Variants in ZNF420 observed in about 807,000 individuals in gnomAD.
ZNF420 encodes the protein zinc finger protein 420.
A neutral mutation model predicts 44.7 loss-of-function variants in ZNF420; 31 were observed. The ratio of observed to expected loss-of-function variants is 0.69; its 90% CI spans 0.52 to 0.94. The LOEUF (loss-of-function observed/expected upper bound fraction) is 0.94, where lower values mean the gene tolerates loss of function less well. Among genes scored for constraint, ZNF420 ranks in the 40% least tolerant of loss-of-function variants. ZNF420 has a pLI of 0.00. For missense variants in ZNF420, 681 were observed against 827.9 expected (o/e 0.82, Z 2.18); for synonymous variants, 245 against 267.4 (o/e 0.92, Z 0.82).
intron 1 of ZNF420, among the ~76,000 whole-genome samples, chr19:37,051,003 G>C (rs1261400108): frequency 6.6e-6 from 1 of 152,204 alleles, no homozygotes; most frequent in Non-Finnish European, 1.5e-5. Flanking sequence ...CATTGGTTCT[G>C]TTTATATGCT....
chr19:37,113,902 G>A (rs1013585056), intron 4 of ZNF420, among the ~76,000 whole-genome samples: 1 of 152,036 alleles, frequency 6.6e-6, no homozygotes, highest in South Asian at 2.1e-4. Context: ...GGGTGAGAGC[G>A]ATCATTTGGC....
chr19:37,062,222 A>G (rs1048116909), intron 1 of ZNF420, among the ~76,000 whole-genome samples: 2 of 152,218 alleles, frequency 1.3e-5, no homozygotes, highest in Non-Finnish European at 2.9e-5. Context: ...GTAAAGAAAG[A>G]ACTGTGTAAT....
intron 1 of ZNF420, among the ~76,000 whole-genome samples, chr19:37,066,207 CT>C (rs1967964221): frequency 6.6e-6 from 1 of 152,218 alleles, no homozygotes; most frequent in African/African-American, 2.4e-5. Flanking sequence ...CTTTGGGAGG[CT>C]GCGGCGGGTG....
In ZNF420 at chr19:37,127,309, T is replaced by C; in HGVS notation, c.318T>C (p.Tyr106=). 1 of 1,613,014 alleles carries C rather than the reference T, an allele frequency of 6.2e-7. No homozygotes were observed. Among genetic ancestry groups the C allele is most frequent in the Non-Finnish European group, 8.5e-7 (1 of 1,179,536 alleles). ...MEKQQENQKE[Y]FRQGMIIYDK... is the part of the protein sequence containing the mutation. The stretch of plus-strand genomic sequence containing the variant: ...AGCAACAAGAAAATCAGAAGGAATA[T>C]TTCAGGCAAGGGATGATCATATATG... Residue 106 remains tyrosine, a synonymous_variant, in exon 5 of 5, where the codon TAT becomes TAC. Transcript: ENST00000337995.
chr19:37,022,945 G>A (rs545798755), intron 1 of ZNF420, among the ~76,000 whole-genome samples: 1 of 152,244 alleles, frequency 6.6e-6, no homozygotes, highest in East Asian at 1.9e-4. Context: ...AGACAAGCCT[G>A]ACCAACATGG....
chr19:37,037,692 CATGG>C (rs1417726349), intron 1 of ZNF420, among the ~76,000 whole-genome samples: 2 of 152,152 alleles, frequency 1.3e-5, no homozygotes, highest in African/African-American at 4.8e-5. Context: ...AAAAGAAGTC[CATGG>C]CAGCAGCCTC....
At chr19:37,011,244 T>G (rs527685454) in intron 1 of ZNF420, among the ~76,000 whole-genome samples, 1 of 152,326 alleles carries the variant, frequency 6.6e-6, no homozygotes, top group African/African-American at 2.4e-5. Context: ...AACCCGTTTC[T>G]GGTGGATTGG....
At position 37,020,008 on chromosome 19, in the gene ZNF420, G is replaced by A. The variant is rs575119343; in HGVS notation, c.-125+11926G>A. Reference sequence around the variant, plus strand: ...TGAGGAGGGCGGATCATAAGGTCAGGAGATCGAGAACATCCTGGCTAACCC... The same window carrying A: ...TGAGGAGGGCGGATCATAAGGTCAGAAGATCGAGAACATCCTGGCTAACCC... On this transcript the variant is annotated intron_variant, in intron 1 of 4. Coordinates refer to the ZNF420 transcript ENST00000587029. 9.2e-5 allele frequency among the ~76,000 whole-genome samples: 14 copies of A among 152,116 alleles called. No individual in the cohort carries two copies. In the East Asian group the frequency reaches 2.3e-3, roughly 25 times the overall value.
intron 1 of ZNF420, among the ~76,000 whole-genome samples, chr19:37,051,971 C>T (rs138063168): frequency 0.013 from 2,052 of 152,214 alleles, 54 homozygotes; most frequent in African/African-American, 0.047. Flanking sequence ...GTGTTAAAGT[C>T]TCCCATTATT....
intron 1 of ZNF420, among the ~76,000 whole-genome samples, chr19:37,047,576 C>T (rs116234890): frequency 0.014 from 2,056 of 152,232 alleles, 55 homozygotes; most frequent in African/African-American, 0.047. Context: ...CATAGTGCCT[C>T]GTCATTTTCT....
intron 1 of ZNF420, among the ~76,000 whole-genome samples, chr19:37,056,305 G>A (rs1170323325): frequency 1.3e-5 from 2 of 152,258 alleles, no homozygotes; most frequent in Admixed American, 6.5e-5. Flanking sequence ...GGTGGGCTAT[G>A]CTTTTATGTG....
chr19:37,125,923 C>T (rs922342275), intron 4 of ZNF420, among the ~76,000 whole-genome samples: 1 of 152,010 alleles, frequency 6.6e-6, no homozygotes, highest in African/African-American at 2.4e-5. Context: ...GAATTCATGG[C>T]AGGCCCTATC....
At chr19:37,084,753 C>T (rs1196402145) in intron 2 of ZNF420, among the ~76,000 whole-genome samples, 1 of 151,850 alleles carries the variant, frequency 6.6e-6, no homozygotes, top group Non-Finnish European at 1.5e-5. Flanking sequence ...TGAATTTTGG[C>T]AATTTTTGTT....
intron 1 of ZNF420, among the ~76,000 whole-genome samples, chr19:37,012,829 C>A (rs866297800): frequency 6.7e-6 from 1 of 148,690 alleles, no homozygotes; most frequent in African/African-American, 2.5e-5. Flanking sequence ...ATTCTCTCTT[C>A]CATCTCTGTC....
At chr19:37,118,230 C>T (rs1416714325) in intron 4 of ZNF420, among the ~76,000 whole-genome samples, 5 of 152,184 alleles carry the variant, frequency 3.3e-5, no homozygotes, top group Non-Finnish European at 7.3e-5. Flanking sequence ...AGAGAAAGGT[C>T]AGGTTACCCA....
At chr19:37,049,488 G>A (rs1967600391) in intron 1 of ZNF420, among the ~76,000 whole-genome samples, 1 of 152,172 alleles carries the variant, frequency 6.6e-6, no homozygotes, top group Non-Finnish European at 1.5e-5. Context: ...ATTTTTTCAT[G>A]TGTCTTTTGG....
chr19:37,120,052 A>AGCTG (rs1970939670), intron 4 of ZNF420, among the ~76,000 whole-genome samples: 1 of 152,218 alleles, frequency 6.6e-6, no homozygotes, highest in Non-Finnish European at 1.5e-5. Context: ...TACAAGGAGG[A>AGCTG]GCTGGTACCA....
intron 1 of ZNF420, chr19:37,008,102 G>T: frequency 3.7e-6 from 1 of 272,552 alleles, no homozygotes; most frequent in Non-Finnish European, 7.1e-6. Flanking sequence ...CCCAAAAGTC[G>T]TGCCCCTGTC....
At chr19:37,085,619 G>A (rs1968715415) in intron 2 of ZNF420, among the ~76,000 whole-genome samples, 1 of 152,182 alleles carries the variant, frequency 6.6e-6, no homozygotes, top group Non-Finnish European at 1.5e-5. Flanking sequence ...CCATTAGGAG[G>A]CCTCTTTATC....
Sources: gnomAD v4.1 joint callset for allele counts (sites outside exome capture counted in the v4.1 genomes callset) on GRCh38, gnomAD v4.1.1 for gene constraint, MANE v1.5 for transcripts, NCBI Gene and HGNC (gene_info 2026-07-23, HGNC 2026-07-21) for gene names.